KIAA0825: variants seen among roughly 807,000 people sequenced by gnomAD.
The protein encoded by KIAA0825 is uncharacterized protein KIAA0825.
KIAA0825 carries 119 observed loss-of-function variants against 147.6 expected under a neutral mutation model. The observed-to-expected ratio is 0.81, with a 90% confidence interval of 0.69 to 0.94. KIAA0825 has a LOEUF of 0.94. KIAA0825 is among the 40% of genes least tolerant of loss of function. The pLI is 0.00. For synonymous variants in KIAA0825, 470 were observed against 518.1 expected, an observed-to-expected ratio of 0.91 and a Z score of 1.26; for missense variants, 1,381 against 1,472.7, an observed-to-expected ratio of 0.94 and a Z score of 1.02.
At chr5:94,274,342 G>C (rs73139380) in intron 20 of KIAA0825, among the ~76,000 whole-genome samples, 37 of 152,122 alleles carry the variant, frequency 2.4e-4, no homozygotes, top group African/African-American at 8.7e-4. Flanking sequence ...GTAGTGAAAG[G>C]GTTTGTGAGC....
intron 20 of KIAA0825, among the ~76,000 whole-genome samples, chr5:94,176,535 A>G (rs1309708010): frequency 6.6e-6 from 1 of 152,132 alleles, no homozygotes; most frequent in Non-Finnish European, 1.5e-5. Context: ...TTTGTTGTAA[A>G]GTCAGTCATT....
chr5:94,588,258 C>T (rs2152383891), intron 1 of KIAA0825, among the ~76,000 whole-genome samples: 1 of 152,214 alleles, frequency 6.6e-6, no homozygotes, highest in East Asian at 1.9e-4. Context: ...AACAGGCAAC[C>T]TACAGAATGG....
intron 20 of KIAA0825, among the ~76,000 whole-genome samples, chr5:94,234,406 T>TA (rs947492255): frequency 2.0e-4 from 30 of 148,852 alleles, no homozygotes; most frequent in Middle Eastern, 3.4e-3. Context: ...AATAAAAAAA[T>TA]AAAAAAAAAA....
intron 14 of KIAA0825, among the ~76,000 whole-genome samples, chr5:94,433,161 A>G (rs1318639359): frequency 6.6e-6 from 1 of 151,938 alleles, no homozygotes; most frequent in African/African-American, 2.4e-5. Context: ...CCGAGTAGCT[A>G]GGACTACAGG....
intron 20 of KIAA0825, among the ~76,000 whole-genome samples, chr5:94,206,654 A>G (rs1327431894): frequency 6.6e-6 from 1 of 152,174 alleles, no homozygotes; most frequent in Admixed American, 6.5e-5. Context: ...GTCAATGTTG[A>G]GAACCTTTAA....
At chr5:94,336,223 G>A (rs751359791) in intron 20 of KIAA0825, among the ~76,000 whole-genome samples, 11 of 151,594 alleles carry the variant, frequency 7.3e-5, no homozygotes, top group Non-Finnish European at 1.5e-4. Context: ...CTATAGAAGT[G>A]AGCACCCAAT....
At chr5:94,569,604 C>A in intron 2 of KIAA0825, 1 of 391,060 alleles carries the variant, frequency 2.6e-6, no homozygotes, top group South Asian at 1.4e-4. Flanking sequence ...ATTGATCTCC[C>A]CACTCCATCT....
At chr5:94,291,034 C>A (rs930551364) in intron 20 of KIAA0825, among the ~76,000 whole-genome samples, 2 of 151,980 alleles carry the variant, frequency 1.3e-5, no homozygotes, top group Non-Finnish European at 1.5e-5. Flanking sequence ...TGGATATTAG[C>A]CCTTTGTCAG....
chr5:94,170,171 T>TGTA (rs1562293716), intron 20 of KIAA0825, among the ~76,000 whole-genome samples: 3 of 151,896 alleles, frequency 2.0e-5, no homozygotes, highest in Non-Finnish European at 4.4e-5. Context: ...TGGTGGCGGG[T>TGTA]GCCTGTAGTC....
intron 20 of KIAA0825, among the ~76,000 whole-genome samples, chr5:94,354,897 G>A (rs777008345): frequency 6.6e-5 from 10 of 152,152 alleles, no homozygotes; most frequent in Non-Finnish European, 1.5e-4. Context: ...AGGAGGTCCT[G>A]GGAACATGTG....
At position 94,396,506 on chromosome 5, in the gene KIAA0825, A is replaced by G; in HGVS notation, c.2891T>C (p.Phe964Ser). ...ETNRKESCKS[F>S]TRLTAQAVSI... is the part of the protein sequence containing the mutation. ...TACTGCCTGAGCAGTAAGCCTTGTG[A>G]AGCCTGGGGAAGAAAAGAAAAGGTA... The change falls in exon 17 of 21, where the codon TTC (phenylalanine) becomes TCC (serine). Residue 964 changes from phenylalanine (F) to serine (S), a missense_variant. Coordinates refer to ENST00000682413, the MANE Select transcript of KIAA0825 (RefSeq NM_001145678.3). 6.8e-7 allele frequency: 1 copy of G among 1,473,612 alleles called. No homozygotes were observed. The highest frequency in any genetic ancestry group is 9.0e-7 in the Non-Finnish European group (1 of 1,114,174). The allele number at this position is 1,473,612 out of a possible 1,614,324, so 91.3% of individuals were successfully genotyped here.
intron 20 of KIAA0825, among the ~76,000 whole-genome samples, chr5:94,196,642 C>G (rs1771156932): frequency 6.6e-6 from 1 of 152,084 alleles, no homozygotes; most frequent in Non-Finnish European, 1.5e-5. Flanking sequence ...CAAGATGTCC[C>G]CAATGTCTAT....
At chr5:94,157,754 T>C (rs1227908359) in intron 20 of KIAA0825, among the ~76,000 whole-genome samples, 1 of 152,212 alleles carries the variant, frequency 6.6e-6, no homozygotes, top group East Asian at 1.9e-4. Flanking sequence ...TGAATAACTA[T>C]TCTAGTGATC....
intron 14 of KIAA0825, among the ~76,000 whole-genome samples, chr5:94,433,024 CATTTTATTTT>C (rs753533528): frequency 1.3e-5 from 2 of 152,050 alleles, no homozygotes; most frequent in East Asian, 1.9e-4. Context: ...TTGATTCATT[CATTTTATTTT>C]ATTTTATTTT....
intron 20 of KIAA0825, among the ~76,000 whole-genome samples, chr5:94,268,475 AGTT>A (rs897114888): frequency 1.3e-5 from 2 of 152,134 alleles, no homozygotes; most frequent in African/African-American, 4.8e-5. Flanking sequence ...AATGTGGCAA[AGTT>A]GTTGGCTGCT....
chr5:94,610,118 G>A (rs962368210), intron 1 of KIAA0825, among the ~76,000 whole-genome samples: 1 of 152,090 alleles, frequency 6.6e-6, no homozygotes, highest in Non-Finnish European at 1.5e-5. Context: ...CAAGGAGGAC[G>A]GGTAAAGAAA....
At chr5:94,616,427 G>C (rs973728955) in intron 1 of KIAA0825, among the ~76,000 whole-genome samples, 1 of 152,066 alleles carries the variant, frequency 6.6e-6, no homozygotes. Flanking sequence ...ATCTGTTTGA[G>C]GGTTACGTGA....
intron 20 of KIAA0825, among the ~76,000 whole-genome samples, chr5:94,230,968 G>A (rs1284974078): frequency 6.6e-6 from 1 of 152,122 alleles, no homozygotes; most frequent in Non-Finnish European, 1.5e-5. Context: ...GAAGCCACAG[G>A]TGTTCAGAAG....
chr5:94,308,349 G>C (rs1019901389), intron 20 of KIAA0825, among the ~76,000 whole-genome samples: 2 of 151,708 alleles, frequency 1.3e-5, no homozygotes, highest in Non-Finnish European at 2.9e-5. Flanking sequence ...TTACAGGAGA[G>C]AGAATGATTA....
Sources: gnomAD v4.1 joint callset for allele counts (sites outside exome capture counted in the v4.1 genomes callset) on GRCh38, gnomAD v4.1.1 for gene constraint, MANE v1.5 for transcripts, NCBI Gene and HGNC (gene_info 2026-07-23, HGNC 2026-07-21) for gene names.